The following ACSL3 variants were observed in gnomAD, a reference collection of about 807,000 sequenced individuals.
ACSL3 encodes acyl-CoA synthetase long chain family member 3, also known as fatty acid CoA ligase Acsl3.
A neutral mutation model predicts 84.7 loss-of-function variants in ACSL3; 34 were observed. The ratio of observed to expected loss-of-function variants is 0.40; its 90% CI spans 0.31 to 0.53. ACSL3 has a LOEUF of 0.53. Among genes scored for constraint, ACSL3 ranks in the 20% least tolerant of loss-of-function variants. ACSL3 has a pLI of 0.48. For synonymous variants in ACSL3, 315 were observed against 299.4 expected (o/e 1.05, Z -0.54); for missense variants, 680 against 873.1 (o/e 0.78, Z 2.79).
chr2:222,936,465 T>C (rs1307632362), intron 16 of ACSL3, among the ~76,000 whole-genome samples: 1 of 152,166 alleles, frequency 6.6e-6, no homozygotes, highest in African/African-American at 2.4e-5. Flanking sequence ...TGAAGTGATA[T>C]CTCATTGTGG....
intron 8 of ACSL3, 116 bp downstream of exon 8, chr2:222,921,546 T>G: frequency 2.0e-6 from 2 of 999,076 alleles, no homozygotes; most frequent in Admixed American, 2.5e-5. Flanking sequence ...CTGTTTGTAG[T>G]AGGCATTTCC....
At chr2:222,880,624 C>G (rs1574522443) in intron 1 of ACSL3, among the ~76,000 whole-genome samples, 1 of 151,814 alleles carries the variant, frequency 6.6e-6, no homozygotes. Flanking sequence ...ATCAGGAGAT[C>G]AAGACCATCC....
At chr2:222,936,257 T>G (rs1697168076) in intron 16 of ACSL3, among the ~76,000 whole-genome samples, 1 of 152,184 alleles carries the variant, frequency 6.6e-6, no homozygotes, top group South Asian at 2.1e-4. Context: ...TTGAATTATT[T>G]TGGATATATA....
At chr2:222,863,356 G>A (rs1486220298) in intron 1 of ACSL3, among the ~76,000 whole-genome samples, 2 of 152,194 alleles carry the variant, frequency 1.3e-5, no homozygotes, top group Non-Finnish European at 2.9e-5. Flanking sequence ...TGTACATAAT[G>A]CAAGAGTTTG....
chr2:222,910,171 A>G (rs527662931), intron 4 of ACSL3, among the ~76,000 whole-genome samples: 8 of 152,358 alleles, frequency 5.3e-5, no homozygotes, highest in African/African-American at 1.9e-4. Flanking sequence ...TAGAAAATTC[A>G]ATGAGGAAAA....
At chr2:222,909,557 T>C (rs1481480618) in intron 4 of ACSL3, 1 of 161,592 alleles carries the variant, frequency 6.2e-6, no homozygotes, top group Non-Finnish European at 1.3e-5. Flanking sequence ...GCTGTGGCAG[T>C]TGCATGGTTC....
rs1216103911 is a variant in ACSL3 at position 222,943,097 on chromosome 2, A to C, written c.*1443A>C. 2.2e-5 allele frequency: 2 copies of C among 89,246 alleles called. No individual in the cohort carries two copies. Among genetic ancestry groups the C allele is most frequent in the Non-Finnish European group, 3.7e-5 (2 of 54,584 alleles). The allele number at this position is 89,246 out of a possible 1,614,324, so 5.5% of individuals were successfully genotyped here. On this transcript the variant is annotated 3_prime_UTR_variant, in exon 17 of 17. Coordinates refer to ENST00000357430, the MANE Select transcript of ACSL3 (RefSeq NM_004457.5). ...AAAAGGCAAAAATCAAAAAAAAAAA[A>C]AACAAAAACAAAAAAAAAGATGAAC... is the stretch of plus-strand genomic sequence containing the variant.
At chr2:222,924,407 A>T in intron 10 of ACSL3, 49 bp from the exon 11 acceptor site, 1 of 1,467,030 alleles carries the variant, frequency 6.8e-7, no homozygotes, top group Non-Finnish European at 9.2e-7. Context: ...GTGAATATGT[A>T]AGGCAGCTGT....
At chr2:222,879,288 A>C (rs1695532905) in intron 1 of ACSL3, among the ~76,000 whole-genome samples, 1 of 152,354 alleles carries the variant, frequency 6.6e-6, no homozygotes, top group Non-Finnish European at 1.5e-5. Flanking sequence ...ACTATACTCC[A>C]GCCTGGGGGA....
chr2:222,868,950 A>G (rs1173106516), intron 1 of ACSL3, among the ~76,000 whole-genome samples: 1 of 151,428 alleles, frequency 6.6e-6, no homozygotes, highest in African/African-American at 2.4e-5. Flanking sequence ...AGCCTGGGCA[A>G]CAGAGGGAGA....
At chr2:222,885,013 G>T (rs1695686973) in intron 1 of ACSL3, among the ~76,000 whole-genome samples, 1 of 152,126 alleles carries the variant, frequency 6.6e-6, no homozygotes, top group African/African-American at 2.4e-5. Flanking sequence ...GATTTGTCAG[G>T]CTCTACCACT....
At chr2:222,910,744 C>A (rs1189689425) in intron 4 of ACSL3, among the ~76,000 whole-genome samples, 1 of 152,152 alleles carries the variant, frequency 6.6e-6, no homozygotes, top group Non-Finnish European at 1.5e-5. Context: ...TGAAACCATC[C>A]TGATTTATAC....
chr2:222,930,791 G>A lies in ACSL3; in HGVS notation c.1711G>A (p.Asp571Asn), dbSNP rs994935244. The change falls in exon 14 of 17, where the codon GAT (aspartate) becomes AAT (asparagine). Residue 571 changes from aspartate to asparagine, a missense_variant. Asp to Asn is a conservative substitution (Grantham distance 23, BLOSUM62 1). Transcript: ENST00000357430. ...CTGDIGEFEP[D>N]GCLKIIDRKK... ...TGGGGATATTGGAGAGTTTGAACCC[G>A]ATGGATGCTTAAAGATTATTGGTAA... The A allele has an allele frequency of 4.4e-6, 7 of 1,601,606 alleles. No individual in the cohort carries two copies. The highest frequency in any genetic ancestry group is 1.3e-5 in the African/African-American group (1 of 74,254).
chr2:222,918,554 CTT>C (rs1696645907), intron 6 of ACSL3, among the ~76,000 whole-genome samples: 1 of 104,768 alleles, frequency 9.5e-6, no homozygotes, highest in Non-Finnish European at 1.9e-5. Flanking sequence ...AAAAGGGAGA[CTT>C]TTAATTATAT....
At chr2:222,887,279 T>C (rs890658062) in intron 1 of ACSL3, among the ~76,000 whole-genome samples, 1 of 152,242 alleles carries the variant, frequency 6.6e-6, no homozygotes, top group African/African-American at 2.4e-5. Flanking sequence ...CAACACTGAC[T>C]CATTTTCCAT....
rs57522671 is a variant in ACSL3 at position 222,901,964 on chromosome 2, A to AAAAAAAAAAAAAATG, written c.-41+1184_-41+1185insAAAAAAAAAAAAATG. 6.4e-3 allele frequency among the ~76,000 whole-genome samples: 638 copies of AAAAAAAAAAAAAATG among 99,436 alleles called. 151 individuals are homozygous for AAAAAAAAAAAAAATG. The highest frequency in any genetic ancestry group is 0.016 in the African/African-American group (384 of 24,626). 65.2% of individuals were successfully genotyped at this position (99,436 alleles called of 152,430 possible). A position where few individuals can be genotyped will look rare whatever the true frequency, so the allele number is the denominator to read the frequency against. On this transcript the variant is annotated intron_variant, in intron 3 of 16. Transcript: ENST00000357430. ...GTCTCAAAAAAAAAAAAAAAAAAAA[A>AAAAAAAAAAAAAATG]GAACTCAAATATTGTTGAGGTAGCA...
At position 222,916,500 on chromosome 2, in the gene ACSL3, T is replaced by A; in HGVS notation, c.556+4T>A. ...TGTTTTATGTATAATTTTCAGCGTA[T>A]GTAGACTTTCTTATCTTCTGGAAGA... On this transcript the variant is annotated splice_donor_region_variant and intron_variant, in intron 5 of 16. Transcript: ENST00000357430. The A allele has an allele frequency of 1.3e-6, 2 of 1,565,612 alleles. No individual in the cohort carries two copies. Among genetic ancestry groups the A allele is most frequent in the South Asian group, 2.4e-5 (2 of 82,924 alleles).
chr2:222,940,016 T>C (rs1446040871), intron 16 of ACSL3, among the ~76,000 whole-genome samples: 1 of 152,224 alleles, frequency 6.6e-6, no homozygotes, highest in Non-Finnish European at 1.5e-5. Flanking sequence ...GTAATAGTTT[T>C]TTAATATTTG....
In ACSL3 at chr2:222,942,916, C is replaced by G; in HGVS notation, c.*1262C>G. ...AAACCTTGCTTGTGTGATACATAGTCTCTTCATTTATTACTGCTTGTCTGT... is the reference window on the plus strand; with the variant it reads ...AAACCTTGCTTGTGTGATACATAGTGTCTTCATTTATTACTGCTTGTCTGT... On this transcript the variant is annotated 3_prime_UTR_variant, in exon 17 of 17. Coordinates refer to ENST00000357430, the MANE Select transcript of ACSL3 (RefSeq NM_004457.5). The G allele has an allele frequency of 6.7e-6, 1 of 149,986 alleles. No homozygotes were observed. Among genetic ancestry groups the G allele is most frequent in the Non-Finnish European group, 1.3e-5 (1 of 78,856 alleles). The allele number at this position is 149,986 out of a possible 1,614,324, so 9.3% of individuals were successfully genotyped here.
Sources: allele counts gnomAD v4.1 joint callset (sites outside exome capture counted in the v4.1 genomes callset), GRCh38; gene constraint gnomAD v4.1.1; transcripts MANE v1.5; gene names NCBI Gene and HGNC (gene_info 2026-07-23, HGNC 2026-07-21).